MAPK14: variants seen among roughly 807,000 people sequenced by gnomAD.
MAPK14 encodes the protein mitogen-activated protein kinase 14, also known as CSAID-binding protein.
A neutral mutation model predicts 49.6 loss-of-function variants in MAPK14; 16 were observed. The observed-to-expected ratio is 0.32, with a 90% CI of 0.22 to 0.49. The LOEUF is 0.49. Ranked by LOEUF, MAPK14 falls within the 20% of genes least tolerant of loss-of-function variation. The pLI is 0.99. For synonymous variants in MAPK14, 142 were observed against 158.0 expected (o/e 0.90, Z 0.76); for missense variants, 200 against 441.2 (o/e 0.45, Z 4.90).
At chr6:36,051,369 A>G (rs1021873201) in intron 1 of MAPK14, among the ~76,000 whole-genome samples, 1 of 152,134 alleles carries the variant, frequency 6.6e-6, no homozygotes, top group East Asian at 1.9e-4. Context: ...TCGGCCTCCC[A>G]AGGTGCTGGA....
downstream of MAPK14, among the ~76,000 whole-genome samples, chr6:36,112,189 G>T: frequency 6.6e-6 from 1 of 150,438 alleles, no homozygotes; most frequent in Non-Finnish European, 1.5e-5. Context: ...CTGGGTGACA[G>T]AGTGAGACTC....
intron 8 of MAPK14, among the ~76,000 whole-genome samples, chr6:36,089,030 T>G (rs780501141): frequency 2.0e-5 from 3 of 152,146 alleles, no homozygotes; most frequent in Non-Finnish European, 4.4e-5. Flanking sequence ...GAAATAACAT[T>G]TGACCCAGCA....
chr6:36,065,783 T>C (rs377557599), intron 3 of MAPK14, among the ~76,000 whole-genome samples: 85 of 152,262 alleles, frequency 5.6e-4, no homozygotes, highest in African/African-American at 1.9e-3. Context: ...CCATAGTGTG[T>C]GATAAAAAGA....
chr6:36,077,755 A>G (rs534259519), intron 8 of MAPK14, among the ~76,000 whole-genome samples: 17 of 151,786 alleles, frequency 1.1e-4, no homozygotes, highest in Admixed American at 2.6e-4. Flanking sequence ...ATTACTCCCT[A>G]CCTCTGGATT....
the MAPK14 span, among the ~76,000 whole-genome samples, chr6:36,122,583 T>C: frequency 1.2e-4 from 18 of 152,004 alleles, no homozygotes; most frequent in Non-Finnish European, 2.1e-4. Context: ...CTCAAGACAT[T>C]CTATTAGAGG....
intron 1 of MAPK14, among the ~76,000 whole-genome samples, chr6:36,048,344 G>GT (rs1177700753): frequency 6.6e-6 from 1 of 151,946 alleles, no homozygotes; most frequent in Non-Finnish European, 1.5e-5. Flanking sequence ...CACCCAACCC[G>GT]TTTTTTATTT....
chr6:36,078,364 T>G (rs955709043), intron 8 of MAPK14, among the ~76,000 whole-genome samples: 6 of 152,160 alleles, frequency 3.9e-5, no homozygotes, highest in Admixed American at 6.5e-5. Context: ...CCTTCTCACT[T>G]AATTGTCTAC....
intron 1 of MAPK14, among the ~76,000 whole-genome samples, chr6:36,032,291 A>G (rs993290089): frequency 7.9e-5 from 12 of 152,200 alleles, no homozygotes; most frequent in African/African-American, 2.7e-4. Context: ...ATAACCAACT[A>G]TGAATCAAAA....
intron 3 of MAPK14, among the ~76,000 whole-genome samples, chr6:36,059,660 G>T (rs1581766363): frequency 6.7e-6 from 1 of 149,700 alleles, no homozygotes; most frequent in East Asian, 2.0e-4. Flanking sequence ...TCCCAGGTTT[G>T]GTTTTGTTGT....
chr6:36,114,877 T>C (rs80054063), downstream of MAPK14, among the ~76,000 whole-genome samples: 30 of 152,282 alleles, frequency 2.0e-4, no homozygotes, highest in East Asian at 5.8e-3. Flanking sequence ...AGTAAGGAAA[T>C]AACAAATCTC....
At chr6:36,038,434 T>C (rs1050357605) in intron 1 of MAPK14, among the ~76,000 whole-genome samples, 1 of 152,170 alleles carries the variant, frequency 6.6e-6, no homozygotes, top group Non-Finnish European at 1.5e-5. Flanking sequence ...TAGGGTCTTA[T>C]TTGCCTTTGT....
chr6:36,063,801 CTTG>C (rs1486079560), intron 3 of MAPK14, among the ~76,000 whole-genome samples: 3 of 152,146 alleles, frequency 2.0e-5, no homozygotes, highest in African/African-American at 7.2e-5. Context: ...CTAAGTTGCT[CTTG>C]ACCACCATAG....
At chr6:36,052,364 T>C (rs1172628863) in intron 1 of MAPK14, among the ~76,000 whole-genome samples, 1 of 152,220 alleles carries the variant, frequency 6.6e-6, no homozygotes, top group Admixed American at 6.5e-5. Flanking sequence ...TTAAAACTTA[T>C]TTTCTGGCTG....
chr6:36,053,505 G>T (rs986268654), intron 2 of MAPK14, among the ~76,000 whole-genome samples: 7 of 151,964 alleles, frequency 4.6e-5, no homozygotes, highest in African/African-American at 1.7e-4. Context: ...GATATAATTG[G>T]AATACTAACT....
chr6:36,100,735 T>C (rs1014895225), intron 9 of MAPK14, among the ~76,000 whole-genome samples: 1 of 152,202 alleles, frequency 6.6e-6, no homozygotes, highest in Non-Finnish European at 1.5e-5. Context: ...TAATATAGAA[T>C]AAATACAAAC....
chr6:36,099,584 C>T (rs925425306), intron 9 of MAPK14, among the ~76,000 whole-genome samples: 13 of 152,194 alleles, frequency 8.5e-5, no homozygotes, highest in Non-Finnish European at 1.9e-4. Context: ...AGCCTCTAAC[C>T]TTCTCCTCTT....
In MAPK14 at chr6:36,052,694, C is replaced by G. The variant is rs769103195; in HGVS notation, c.117-5C>G. On this transcript the variant is annotated splice_polypyrimidine_tract_variant and splice_region_variant and intron_variant, in intron 1 of 11. Transcript: ENST00000229794. ...TGGTGGGTTTTTTCCCTTTTTTCTC[C>G]TTAGTGCTGCTTTTGACACAAAAAC... The G allele has an allele frequency of 6.3e-6, 10 of 1,593,892 alleles. No homozygotes were observed. Among genetic ancestry groups the G allele is most frequent in the Non-Finnish European group, 8.5e-6 (10 of 1,172,434 alleles).
At chr6:36,102,314 G>A (rs1302951096) in intron 9 of MAPK14, among the ~76,000 whole-genome samples, 1 of 152,230 alleles carries the variant, frequency 6.6e-6, no homozygotes, top group East Asian at 1.9e-4. Flanking sequence ...GAAAGCTAAT[G>A]AAAGAGAATT....
chr6:36,035,582 G>A (rs183552964), intron 1 of MAPK14, among the ~76,000 whole-genome samples: 22 of 152,318 alleles, frequency 1.4e-4, no homozygotes, highest in Non-Finnish European at 2.5e-4. Flanking sequence ...AAGGCATGTC[G>A]AAAACTGAGA....
Sources: allele counts gnomAD v4.1 joint callset (sites outside exome capture counted in the v4.1 genomes callset), GRCh38; gene constraint gnomAD v4.1.1; transcripts MANE v1.5; gene names NCBI Gene and HGNC (gene_info 2026-07-23, HGNC 2026-07-21).